AMZ2: variants seen among roughly 807,000 people sequenced by gnomAD.
AMZ2 encodes archaemetzincin-2.
A neutral mutation model predicts 36.7 loss-of-function variants in AMZ2; 26 were observed. The observed-to-expected ratio is 0.71, with a 90% confidence interval of 0.52 to 0.98. The LOEUF is 0.98. Ranked by LOEUF, AMZ2 falls within the 50% of genes least tolerant of loss-of-function variation. The pLI is 0.00. For missense variants in AMZ2, 394 were observed against 430.5 expected, an observed-to-expected ratio of 0.92 and a Z score of 0.75; for synonymous variants, 144 against 149.1, an observed-to-expected ratio of 0.97 and a Z score of 0.25.
upstream of AMZ2, chr17:68,247,841 T>G (rs1272386583): frequency 1.0e-6 from 1 of 985,344 alleles, no homozygotes; most frequent in African/African-American, 1.7e-5. Flanking sequence ...CAGCTGGGGC[T>G]TGTAGTCCCC....
At chr17:68,219,217 A>G (rs183625503) in intron 1 of AMZ2, among the ~76,000 whole-genome samples, 91 of 152,254 alleles carry the variant, frequency 6.0e-4, no homozygotes, top group Admixed American at 2.6e-3. Context: ...CGCCCGCCTC[A>G]GCCTCCCAAA....
In AMZ2 at chr17:68,231,570, C is replaced by T. The variant is rs1433770946; in HGVS notation, c.-66-17070C>T. The stretch of plus-strand genomic sequence containing the variant: ...GAGAATTTTTCTGCAAGTCTTCTCC[C>T]ATTATATGCCCTCATGTGTGTTAGG... On this transcript the variant is annotated intron_variant, in intron 1 of 7. Coordinates refer to the AMZ2 transcript ENST00000674770. Among the ~76,000 whole-genome samples the T allele has an allele frequency of 1.0e-4, 6 of 59,008 alleles. 1 individual carries two copies. Among genetic ancestry groups the T allele is most frequent in the African/African-American group, 3.1e-4 (3 of 9,562 alleles). 38.7% of individuals were successfully genotyped at this position (59,008 alleles called of 152,430 possible).
chr17:68,255,431 A>G (rs1368068890), intron 5 of AMZ2, among the ~76,000 whole-genome samples: 5 of 152,176 alleles, frequency 3.3e-5, no homozygotes, highest in Admixed American at 3.3e-4. Context: ...AAAGCATCGC[A>G]CAGTGCACAG....
At chr17:68,209,630 ATATTTTT>A (rs1181559119) in intron 1 of AMZ2, among the ~76,000 whole-genome samples, 1 of 98,484 alleles carries the variant, frequency 1.0e-5, no homozygotes, top group African/African-American at 4.8e-5. Context: ...ATATATATAT[ATATTTTT>A]TTTTTTTTTT....
chr17:68,211,770 G>GTATATGTA (rs1383443498), intron 1 of AMZ2, among the ~76,000 whole-genome samples: 1 of 125,616 alleles, frequency 8.0e-6, no homozygotes, highest in Non-Finnish European at 1.7e-5. Context: ...GTATATATGT[G>GTATATGTA]TATATGTATA....
chr17:68,218,810 A>T (rs1555727885), intron 1 of AMZ2, among the ~76,000 whole-genome samples: 1 of 152,194 alleles, frequency 6.6e-6, no homozygotes, highest in African/African-American at 2.4e-5. Flanking sequence ...CAGCTGCTCA[A>T]GCTAGAAATA....
At chr17:68,250,144 T>C in intron 1 of AMZ2, 44 bp from the exon 2 acceptor site, 1 of 1,576,640 alleles carries the variant, frequency 6.3e-7, no homozygotes, top group Non-Finnish European at 8.6e-7. Context: ...GTCCCCAATG[T>C]AGATATGTAT....
chr17:68,223,900 T>TA (rs1555729197), intron 1 of AMZ2, among the ~76,000 whole-genome samples: 1 of 80,464 alleles, frequency 1.2e-5, no homozygotes, highest in Admixed American at 1.3e-4. Flanking sequence ...ATATATATAT[T>TA]TTTTTTTGAA....
chr17:68,247,844 T>C, upstream of AMZ2: 4 of 985,502 alleles, frequency 4.1e-6, no homozygotes, highest in Non-Finnish European at 4.8e-6. Flanking sequence ...CTGGGGCTTG[T>C]AGTCCCCTCG....
At chr17:68,215,004 G>A (rs1336700721) in intron 1 of AMZ2, among the ~76,000 whole-genome samples, 4 of 152,100 alleles carry the variant, frequency 2.6e-5, no homozygotes, top group African/African-American at 7.2e-5. Context: ...GGCTGGTCTC[G>A]AACTTGTGAG....
chr17:68,248,011 G>GGGGCGTGGCGCCAGT (rs1231653468), upstream of AMZ2: 60 of 986,262 alleles, frequency 6.1e-5, no homozygotes, highest in African/African-American at 6.1e-4. Context: ...CGTGGCGTAA[G>GGGGCGTGGCGCCAGT]GGGCGTGGCG....
intron 1 of AMZ2, among the ~76,000 whole-genome samples, chr17:68,238,211 C>G (rs1298969106): frequency 2.0e-5 from 3 of 152,044 alleles, no homozygotes; most frequent in African/African-American, 7.2e-5. Flanking sequence ...TTCTTTCTTT[C>G]TTCTTCTTTT....
chr17:68,210,517 GTA>G (rs1555725641), intron 1 of AMZ2, among the ~76,000 whole-genome samples: 1 of 152,210 alleles, frequency 6.6e-6, no homozygotes, highest in Non-Finnish European at 1.5e-5. Context: ...GGTGATTACT[GTA>G]GGCTGGGAGA....
rs1362710921 is a variant in AMZ2 at position 68,235,089 on chromosome 17, T to C, written c.-66-13551T>C. ...CTAGGAGCAGCCCAGGCCTAGAGAG[T>C]GAAACCACTCATAGTGACTCACATC... is the stretch of plus-strand genomic sequence containing the variant. On this transcript the variant is annotated intron_variant, in intron 1 of 7. Coordinates refer to the AMZ2 transcript ENST00000674770. This position sits in a 1 kb window ranked among gnomAD's most constrained non-coding sequence, Gnocchi z 4.2. Among the ~76,000 whole-genome samples the C allele has an allele frequency of 1.3e-5, 2 of 152,000 alleles. No individual in the cohort carries two copies. Among genetic ancestry groups the C allele is most frequent in the Non-Finnish European group, 2.9e-5 (2 of 68,010 alleles).
At chr17:68,244,586 C>T (rs1555734783), upstream of AMZ2, among the ~76,000 whole-genome samples, 1 of 152,152 alleles carries the variant, frequency 6.6e-6, no homozygotes, top group Non-Finnish European at 1.5e-5. Flanking sequence ...CTCGCCCAGC[C>T]TGTAATTTAC....
chr17:68,209,715 G>A (rs1339932653), intron 1 of AMZ2, among the ~76,000 whole-genome samples: 3 of 148,016 alleles, frequency 2.0e-5, no homozygotes, highest in East Asian at 2.0e-4. Context: ...TCCACCTCCC[G>A]GATCAAGTGA....
Position 68,250,465 on chromosome 17 carries a change from C to G in AMZ2, c.278C>G (p.Ser93Cys). The G allele has an allele frequency of 6.2e-7, 1 of 1,613,768 alleles. No individual in the cohort carries two copies. Among genetic ancestry groups the G allele is most frequent in the Non-Finnish European group, 8.5e-7 (1 of 1,179,856 alleles). The change falls in exon 2 of 7, where the codon TCC becomes TGC. Residue 93 changes from serine (S) to cysteine (C), a missense_variant. Coordinates refer to ENST00000359904, the MANE Select transcript of AMZ2 (RefSeq NM_016627.5). The stretch of plus-strand genomic sequence containing the variant: ...AACAAACGCAGCATTTATATACAGT[C>G]CATTGGTAAATACTGGTAATGTGCT... ...SPNKRSIYIQSIGSLGNTRII... is the reference protein window; with the variant it reads ...SPNKRSIYIQCIGSLGNTRII...
intron 1 of AMZ2, among the ~76,000 whole-genome samples, chr17:68,219,728 C>T (rs1195726287): frequency 5.5e-5 from 8 of 145,684 alleles, no homozygotes; most frequent in Non-Finnish European, 1.0e-4. Flanking sequence ...GAGATGAGGT[C>T]TCGCTATATT....
At chr17:68,223,586 C>T (rs12946130) in intron 1 of AMZ2, among the ~76,000 whole-genome samples, 12,613 of 152,198 alleles carry the variant, frequency 0.083, 730 homozygotes, top group Non-Finnish European at 0.12. Context: ...GTTGCCCAGG[C>T]TGGAGTGCAG....
Sources: gnomAD v4.1 joint callset for allele counts (sites outside exome capture counted in the v4.1 genomes callset) on GRCh38, gnomAD v4.1.1 for gene constraint, Gnocchi (gnomAD v3.1) non-coding constraint, MANE v1.5 for transcripts, NCBI Gene and HGNC (gene_info 2026-07-23, HGNC 2026-07-21) for gene names.